KHDRBS2: variants seen among roughly 807,000 people sequenced by gnomAD.
The protein encoded by KHDRBS2 is KH domain-containing, RNA-binding, signal transduction-associated protein 2.
A neutral mutation model predicts 44.3 loss-of-function variants in KHDRBS2; 26 were observed. The observed-to-expected ratio is 0.59, with a 90% CI of 0.43 to 0.81. The LOEUF (loss-of-function observed/expected upper bound fraction) is 0.81. KHDRBS2 is among the 40% of genes least tolerant of loss of function. The probability of loss-of-function intolerance (pLI) is 0.00; values close to 1 mark genes in which losing one functional copy is unlikely to be tolerated. For missense variants in KHDRBS2, 476 were observed against 433.1 expected (o/e 1.10, Z -0.88); for synonymous variants, 194 against 151.1 (o/e 1.28, Z -2.08).
chr6:61,716,384 T>C (rs1015855986), intron 7 of KHDRBS2, among the ~76,000 whole-genome samples: 2 of 151,928 alleles, frequency 1.3e-5, no homozygotes, highest in African/African-American at 4.8e-5. Flanking sequence ...GCCACCCTTG[T>C]TGTACTTTGC....
chr6:62,088,683 G>T (rs1188906822), intron 2 of KHDRBS2, among the ~76,000 whole-genome samples: 1 of 152,128 alleles, frequency 6.6e-6, no homozygotes, highest in Non-Finnish European at 1.5e-5. Context: ...TGGGGGACAG[G>T]GACCCACTTG....
At chr6:61,754,112 T>C (rs1398018020) in intron 6 of KHDRBS2, among the ~76,000 whole-genome samples, 1 of 152,198 alleles carries the variant, frequency 6.6e-6, no homozygotes, top group African/African-American at 2.4e-5. Context: ...TAGATTTTTG[T>C]GGTTTTAAGC....
At chr6:62,216,881 G>A (rs2150149296) in intron 1 of KHDRBS2, among the ~76,000 whole-genome samples, 1 of 151,104 alleles carries the variant, frequency 6.6e-6, no homozygotes, top group Admixed American at 6.6e-5. Context: ...AGGCTTCTGG[G>A]AAGCCAAATA....
At chr6:61,911,701 T>C (rs981444220) in intron 4 of KHDRBS2, among the ~76,000 whole-genome samples, 2 of 152,124 alleles carry the variant, frequency 1.3e-5, no homozygotes, top group Non-Finnish European at 2.9e-5. Flanking sequence ...GAAATTCTCC[T>C]ATATTTTTCC....
chr6:61,687,053 G>A (rs1766893587), intron 8 of KHDRBS2, among the ~76,000 whole-genome samples: 1 of 151,622 alleles, frequency 6.6e-6, no homozygotes, highest in African/African-American at 2.4e-5. Context: ...GCAACTCAAT[G>A]GCTCAACCAT....
chr6:61,860,123 A>T, intron 6 of KHDRBS2, among the ~76,000 whole-genome samples: 1 of 152,002 alleles, frequency 6.6e-6, no homozygotes, highest in South Asian at 2.1e-4. Context: ...AGTCAATCTT[A>T]AAATCCAAAG....
chr6:61,572,958 G>A, the KHDRBS2 span, among the ~76,000 whole-genome samples: 6 of 152,256 alleles, frequency 3.9e-5, no homozygotes, highest in African/African-American at 1.4e-4. Context: ...AGTACTGGAA[G>A]TCCTAGCCAG....
intron 2 of KHDRBS2, among the ~76,000 whole-genome samples, chr6:62,132,944 T>C (rs1359263251): frequency 1.3e-5 from 2 of 152,200 alleles, no homozygotes; most frequent in Non-Finnish European, 2.9e-5. Flanking sequence ...AAGGTATGAC[T>C]CAACAGCGTT....
chr6:61,585,685 T>C, the KHDRBS2 span, among the ~76,000 whole-genome samples: 1 of 152,078 alleles, frequency 6.6e-6, no homozygotes, highest in African/African-American at 2.4e-5. Context: ...TTTTGAACGT[T>C]TACTGTTTTT....
intron 8 of KHDRBS2, among the ~76,000 whole-genome samples, chr6:61,693,694 T>C (rs949724268): frequency 6.6e-6 from 1 of 152,186 alleles, no homozygotes; most frequent in Non-Finnish European, 1.5e-5. Context: ...AAATTTCTTG[T>C]TGGTAAGTGG....
the KHDRBS2 span, among the ~76,000 whole-genome samples, chr6:61,596,195 G>T: frequency 6.6e-6 from 1 of 152,134 alleles, no homozygotes; most frequent in Admixed American, 6.5e-5. Context: ...CTTCAGGGGA[G>T]CCCAGCAGGC....
intron 6 of KHDRBS2, among the ~76,000 whole-genome samples, chr6:61,743,672 G>A (rs1352673967): frequency 6.6e-6 from 1 of 151,636 alleles, no homozygotes; most frequent in Non-Finnish European, 1.5e-5. Context: ...GGGTACATGT[G>A]CACAACGTGC....
At chr6:62,170,222 G>A (rs1163040957) in intron 2 of KHDRBS2, among the ~76,000 whole-genome samples, 1 of 151,956 alleles carries the variant, frequency 6.6e-6, no homozygotes, top group Non-Finnish European at 1.5e-5. Context: ...AAGCAGGGAG[G>A]AGCCTTCACT....
At chr6:61,926,240 G>A (rs966527878) in intron 4 of KHDRBS2, among the ~76,000 whole-genome samples, 1 of 152,086 alleles carries the variant, frequency 6.6e-6, no homozygotes, top group Admixed American at 6.6e-5. Flanking sequence ...TTAAATAACT[G>A]TGCAGGAAGT....
At chr6:62,070,108 T>C in intron 2 of KHDRBS2, among the ~76,000 whole-genome samples, 1 of 151,780 alleles carries the variant, frequency 6.6e-6, no homozygotes, top group East Asian at 2.0e-4. Flanking sequence ...GTATATTACA[T>C]TAATTGATCT....
At chr6:61,746,910 G>A (rs1451151789) in intron 6 of KHDRBS2, among the ~76,000 whole-genome samples, 2 of 151,978 alleles carry the variant, frequency 1.3e-5, no homozygotes, top group African/African-American at 4.8e-5. Context: ...CTTCTGCACA[G>A]CAAAAGAAAC....
intron 6 of KHDRBS2, among the ~76,000 whole-genome samples, chr6:61,762,897 C>T (rs1489527932): frequency 1.3e-5 from 2 of 150,984 alleles, no homozygotes; most frequent in Non-Finnish European, 3.0e-5. Context: ...AAAGCCGTTG[C>T]TTTTTTTTTG....
chr6:61,734,978 T>C (rs1485340588), intron 6 of KHDRBS2, among the ~76,000 whole-genome samples: 1 of 152,298 alleles, frequency 6.6e-6, no homozygotes, highest in African/African-American at 2.4e-5. Flanking sequence ...CCATTGTTGG[T>C]AGTGAATTTC....
At chr6:61,726,006 T>C (rs1244193856) in intron 7 of KHDRBS2, among the ~76,000 whole-genome samples, 1 of 152,054 alleles carries the variant, frequency 6.6e-6, no homozygotes, top group Non-Finnish European at 1.5e-5. Flanking sequence ...CAAAGAAAAC[T>C]TCAGGCCAAT....
Sources: gnomAD v4.1 joint callset for allele counts (sites outside exome capture counted in the v4.1 genomes callset) on GRCh38, gnomAD v4.1.1 for gene constraint, MANE v1.5 for transcripts, NCBI Gene and HGNC (gene_info 2026-07-23, HGNC 2026-07-21) for gene names.